The following KAT6B variants were observed in gnomAD, a reference collection of about 807,000 sequenced individuals.
KAT6B encodes the protein histone acetyltransferase KAT6B.
In KAT6B, 10 loss-of-function variants were observed where a neutral mutation model predicts 187.5. The ratio of observed to expected loss-of-function variants is 0.05; its 90% CI spans 0.03 to 0.09. The LOEUF is 0.09. KAT6B is among the 10% of genes least tolerant of loss of function. The pLI is 1.00. For missense variants in KAT6B, 1,952 were observed against 2,558.9 expected (o/e 0.76, Z 5.12); for synonymous variants, 861 against 926.8 (o/e 0.93, Z 1.29).
At chr10:74,983,427 C>G (rs972602413) in intron 11 of KAT6B, 1 of 152,252 alleles carries the variant, frequency 6.6e-6, no homozygotes, top group Non-Finnish European at 1.5e-5. Flanking sequence ...GTATGCTATC[C>G]TGCCAGCCCC....
chr10:74,885,670 G>A (rs1441765524), intron 3 of KAT6B, among the ~76,000 whole-genome samples: 1 of 151,976 alleles, frequency 6.6e-6, no homozygotes, highest in Non-Finnish European at 1.5e-5. Flanking sequence ...AGGTGAGTGG[G>A]ACTTAGGTGA....
intron 3 of KAT6B, among the ~76,000 whole-genome samples, chr10:74,853,370 C>T (rs1403735960): frequency 6.6e-6 from 1 of 151,596 alleles, no homozygotes; most frequent in Admixed American, 6.6e-5. Flanking sequence ...TTCACTGCAG[C>T]CTTGACCTTC....
intron 13 of KAT6B, among the ~76,000 whole-genome samples, chr10:75,020,281 T>C (rs1845297040): frequency 6.6e-6 from 1 of 152,214 alleles, no homozygotes; most frequent in South Asian, 2.1e-4. Context: ...TGTTGAGACT[T>C]AGCAGGAGTA....
At chr10:74,992,461 T>C (rs549406461) in intron 13 of KAT6B, among the ~76,000 whole-genome samples, 1 of 152,352 alleles carries the variant, frequency 6.6e-6, no homozygotes, top group East Asian at 1.9e-4. Flanking sequence ...TACCCTACAG[T>C]TGGGCAGAAT....
At chr10:75,015,543 A>G (rs1844920991) in intron 13 of KAT6B, among the ~76,000 whole-genome samples, 1 of 152,236 alleles carries the variant, frequency 6.6e-6, no homozygotes, top group South Asian at 2.1e-4. Context: ...GCTCTGCACC[A>G]GAAACCAGGA....
chr10:74,849,138 C>T (rs1489053803), intron 3 of KAT6B, among the ~76,000 whole-genome samples: 1 of 151,868 alleles, frequency 6.6e-6, no homozygotes. Context: ...TGTGCCACCA[C>T]ACTGGGCTAA....
chr10:75,006,016 C>T (rs1220751815), intron 13 of KAT6B, among the ~76,000 whole-genome samples: 2 of 152,098 alleles, frequency 1.3e-5, no homozygotes, highest in African/African-American at 4.8e-5. Flanking sequence ...GTAATACAGG[C>T]GGACGTCAGT....
At chr10:74,833,979 G>C (rs1841074562) in intron 1 of KAT6B, among the ~76,000 whole-genome samples, 1 of 152,224 alleles carries the variant, frequency 6.6e-6, no homozygotes, top group South Asian at 2.1e-4. Flanking sequence ...GATGTTTGCA[G>C]AGATGAAATA....
At chr10:74,936,998 C>T (rs1169142627) in intron 3 of KAT6B, among the ~76,000 whole-genome samples, 1 of 152,078 alleles carries the variant, frequency 6.6e-6, no homozygotes. Flanking sequence ...TTGATGTTTT[C>T]TTTGGCAAGC....
chr10:74,944,484 T>C (rs1002628372), intron 3 of KAT6B, among the ~76,000 whole-genome samples: 4 of 152,214 alleles, frequency 2.6e-5, no homozygotes, highest in African/African-American at 9.6e-5. Context: ...GAATGGCCAT[T>C]AAGCACATGA....
intron 3 of KAT6B, among the ~76,000 whole-genome samples, chr10:74,939,383 TG>T (rs1849497757): frequency 2.0e-5 from 3 of 152,076 alleles, no homozygotes; most frequent in African/African-American, 7.2e-5. Flanking sequence ...AATATGACCT[TG>T]GAGTCTGTTT....
At chr10:74,971,402 AT>A (rs920338119) in intron 6 of KAT6B, among the ~76,000 whole-genome samples, 7 of 152,126 alleles carry the variant, frequency 4.6e-5, no homozygotes, top group South Asian at 2.1e-4. Flanking sequence ...TCTAAGACAC[AT>A]TTTTTTAATG....
At position 75,021,856 on chromosome 10, in the gene KAT6B, C is replaced by T. The variant is rs757517378; in HGVS notation, c.3022-25C>T. ...GCTGTGTAACTGCCCTCTCACTGGCCACCATTTTTACCCTCCCCACTTAGG... is the reference window on the plus strand; with the variant it reads ...GCTGTGTAACTGCCCTCTCACTGGCTACCATTTTTACCCTCCCCACTTAGG... On this transcript the variant is annotated intron_variant, in intron 15 of 17. Coordinates refer to ENST00000287239, the MANE Select transcript of KAT6B (RefSeq NM_012330.4). The T allele has an allele frequency of 5.6e-6, 9 of 1,613,810 alleles. No individual in the cohort carries two copies. The Admixed American group carries it at 6.7e-5, about 12-fold the overall frequency.
chr10:74,945,896 ATTTTC>A (rs952799525), intron 3 of KAT6B, among the ~76,000 whole-genome samples: 2 of 152,112 alleles, frequency 1.3e-5, no homozygotes, highest in African/African-American at 4.8e-5. Context: ...TGCACTTTTA[ATTTTC>A]TTTTCTTATA....
intron 3 of KAT6B, among the ~76,000 whole-genome samples, chr10:74,878,966 A>G (rs753263866): frequency 6.6e-6 from 1 of 152,320 alleles, no homozygotes; most frequent in Middle Eastern, 3.4e-3. Context: ...GAAAGTGCCA[A>G]GGGTAACAGC....
rs1405671451 is a variant in KAT6B, at chr10:74,975,451, C to T, written c.1114C>T (p.Pro372Ser). ...GAATGCATTCACAGGAAGGGGGTCA[C>T]CTGGTAGGGGTCAAAAGACTAAAGT... is the stretch of plus-strand genomic sequence containing the variant. The part of the protein sequence containing the change: ...SMNAFTGRGS[P>S]GRGQKTKVCT... Residue 372 changes from proline to serine, a missense_variant, in exon 8 of 18, where the codon CCT becomes TCT. Physicochemically the swap from Pro to Ser is moderately conservative, Grantham distance 74 (BLOSUM62 -1). Around this residue, in one of 9 missense-constraint regions of KAT6B, gnomAD observed 417 missense variants for 508.9 expected, o/e 0.82. Coordinates refer to ENST00000287239, the MANE Select transcript of KAT6B (RefSeq NM_012330.4). 2 of 1,614,108 alleles carry T rather than the reference C, an allele frequency of 1.2e-6. No homozygotes were observed. The highest frequency in any genetic ancestry group is 1.7e-5 in the Admixed American group (1 of 60,002).
chr10:74,878,715 C>T (rs1844619811), intron 3 of KAT6B, among the ~76,000 whole-genome samples: 1 of 151,772 alleles, frequency 6.6e-6, no homozygotes, highest in African/African-American at 2.4e-5. Context: ...AGAGTCCATC[C>T]AGAAAGTAGG....
At chr10:74,944,843 T>TATTAAA (rs1459271619) in intron 3 of KAT6B, among the ~76,000 whole-genome samples, 4 of 138,658 alleles carry the variant, frequency 2.9e-5, no homozygotes, top group Non-Finnish European at 4.6e-5. Context: ...AGGATATGCA[T>TATTAAA]ATTAAAATCA....
intron 3 of KAT6B, among the ~76,000 whole-genome samples, chr10:74,924,597 A>G (rs1018192323): frequency 1.3e-5 from 2 of 152,220 alleles, no homozygotes; most frequent in East Asian, 3.8e-4. Flanking sequence ...TGAAATAACT[A>G]TCTTAGTTGG....
Sources: gnomAD v4.1 joint callset for allele counts (sites outside exome capture counted in the v4.1 genomes callset) on GRCh38, gnomAD v4.1.1 for gene constraint, gnomAD v4.1.1 regional missense constraint, MANE v1.5 for transcripts, NCBI Gene and HGNC (gene_info 2026-07-23, HGNC 2026-07-21) for gene names.